Variants in SERPINA12 observed in about 807,000 individuals in gnomAD.
SERPINA12 encodes the protein serpin A12.
A neutral mutation model predicts 25.9 loss-of-function variants in SERPINA12; 21 were observed. That is an observed-to-expected ratio of 0.81 (90% CI 0.58 to 1.17). The LOEUF is 1.17. SERPINA12 is among the 50% of genes most tolerant of loss of function. SERPINA12 has a pLI of 0.00. For missense variants in SERPINA12, 562 were observed against 508.3 expected, an observed-to-expected ratio of 1.11 and a Z score of -1.02; for synonymous variants, 220 against 196.0, an observed-to-expected ratio of 1.12 and a Z score of -1.02.
Position 94,489,748 on chromosome 14 carries a change from G to A in SERPINA12, c.925C>T (p.Pro309Ser), listed in dbSNP as rs899886050. Residue 309 changes from proline to serine, a missense_variant, in exon 4 of 5, where the codon CCC becomes TCC. Pro to Ser is a moderately conservative substitution (Grantham distance 74, BLOSUM62 -1). Transcript: ENST00000677451. Reference sequence around the variant, plus strand: ...AAGGTGCCCGTCATGTGGAGTCTGGGTACAGACACGTCTACGACCCTGGGG... The same window carrying A: ...AAGGTGCCCGTCATGTGGAGTCTGGATACAGACACGTCTACGACCCTGGGG... ...LSRRVVDVSV[P>S]RLHMTGTFDL... 5 of 1,614,110 alleles carry A rather than the reference G, an allele frequency of 3.1e-6. No homozygotes were observed. Among genetic ancestry groups the A allele is most frequent in the Middle Eastern group, 1.7e-4 (1 of 6,058 alleles).
At chr14:94,506,191 G>T (rs1422383181) in intron 1 of SERPINA12, among the ~76,000 whole-genome samples, 1 of 152,212 alleles carries the variant, frequency 6.6e-6, no homozygotes. Context: ...GTCGGAGGCT[G>T]AGGGGTGGCC....
upstream of SERPINA12, chr14:94,510,052 G>A (rs114816651): frequency 0.021 from 20,751 of 985,362 alleles, 246 homozygotes; most frequent in African/African-American, 0.048. Context: ...CGAGCTCTGG[G>A]ACGTCTCAGG....
chr14:94,509,798 C>T (rs1901060781), upstream of SERPINA12, among the ~76,000 whole-genome samples: 2 of 152,200 alleles, frequency 1.3e-5, no homozygotes, highest in African/African-American at 4.8e-5. Context: ...AAAGTGAGTG[C>T]ACCAGAAACC....
upstream of SERPINA12, chr14:94,510,165 A>T: frequency 1.0e-6 from 1 of 985,438 alleles, no homozygotes; most frequent in Non-Finnish European, 1.2e-6. Flanking sequence ...TCACCTGTAC[A>T]ATGGGCAATA....
Position 94,489,508 on chromosome 14 carries a change from C to T in SERPINA12, c.1053+112G>A, listed in dbSNP as rs565558233. ...GGCACAGCTGCATTCATGCCCGCCC[C>T]GACTGGTGGGTGGAGTCTCGGCTCT... On this transcript the variant is annotated intron_variant, in intron 4 of 4. Coordinates refer to ENST00000677451, the MANE Select transcript of SERPINA12 (RefSeq NM_001382267.1). 313 of 1,280,958 alleles carry T rather than the reference C, an allele frequency of 2.4e-4. 2 individuals are homozygous for T. Among genetic ancestry groups the T allele is most frequent in the Non-Finnish European group, 3.0e-4 (281 of 933,384 alleles). The allele number at this position is 1,280,958 out of a possible 1,614,324, so 79.3% of individuals were successfully genotyped here.
Position 94,498,292 on chromosome 14 carries a change from C to A in SERPINA12, c.106G>T (p.Val36Phe), listed in dbSNP as rs780019005. ...SPRNYKALSE[V>F]QGWKQRMAAK... ...GCCATCCTTTGCTTCCATCCTTGGA[C>A]CTCGCTCAAAGCTTTATAATTCCTT... Residue 36 changes from valine to phenylalanine, a missense_variant, in exon 2 of 5, where the codon GTC (valine) becomes TTC (phenylalanine). Coordinates refer to ENST00000677451, the MANE Select transcript of SERPINA12 (RefSeq NM_001382267.1). 1.1e-4 allele frequency: 180 copies of A among 1,614,212 alleles called. 1 individual carries two copies. The East Asian group carries it at 3.9e-3, about 35-fold the overall frequency.
chr14:94,500,929 G>C, intron 1 of SERPINA12: 1 of 982,360 alleles, frequency 1.0e-6, no homozygotes. Flanking sequence ...TCTGTGCTCT[G>C]CTCTCATGCC....
At chr14:94,517,701 T>C (rs925439299) in exon 1 of SERPINA12, 1 of 152,262 alleles carries the variant, frequency 6.6e-6, no homozygotes, top group African/African-American at 2.4e-5. Flanking sequence ...TGGGTTCTGT[T>C]CTGGAGTAGA....
intron 3 of SERPINA12, among the ~76,000 whole-genome samples, chr14:94,495,966 G>C (rs994231945): frequency 6.6e-6 from 1 of 152,062 alleles, no homozygotes; most frequent in Non-Finnish European, 1.5e-5. Flanking sequence ...CATGGGTTTT[G>C]TTGTGACACC....
chr14:94,511,848 A>G (rs901993695), upstream of SERPINA12: 3 of 467,310 alleles, frequency 6.4e-6, no homozygotes, highest in African/African-American at 6.4e-5. Context: ...CTGTACTCCT[A>G]GCACTTTGGG....
upstream of SERPINA12, chr14:94,511,420 GA>G (rs568491529): frequency 3.4e-5 from 33 of 985,034 alleles, no homozygotes; most frequent in Middle Eastern, 5.2e-4. Flanking sequence ...TATAAAAGCA[GA>G]AAAAAAATAT....
chr14:94,499,763 A>C (rs766731123), intron 1 of SERPINA12, among the ~76,000 whole-genome samples: 1 of 152,148 alleles, frequency 6.6e-6, no homozygotes, highest in African/African-American at 2.4e-5. Flanking sequence ...GGGATGGAAA[A>C]GGGAAGGAGC....
chr14:94,511,311 C>T (rs1272800922), upstream of SERPINA12: 1 of 656,844 alleles, frequency 1.5e-6, no homozygotes, highest in Admixed American at 6.3e-5. Flanking sequence ...ACCATTGTCA[C>T]ACTATACAGA....
chr14:94,514,559 C>T (rs61978267), intron 2 of SERPINA12, among the ~76,000 whole-genome samples: 16,828 of 152,212 alleles, frequency 0.11, 1,153 homozygotes, highest in Middle Eastern at 0.21. Context: ...GTGGGCCCTT[C>T]GAGGTGGCTC....
At chr14:94,498,867 C>T (rs1334315665) in intron 1 of SERPINA12, among the ~76,000 whole-genome samples, 1 of 152,166 alleles carries the variant, frequency 6.6e-6, no homozygotes, top group African/African-American at 2.4e-5. Context: ...GAATGCAAAA[C>T]CCCCTAAGCT....
upstream of SERPINA12, among the ~76,000 whole-genome samples, chr14:94,511,136 G>T (rs191587262): frequency 2.6e-5 from 4 of 152,012 alleles, no homozygotes; most frequent in East Asian, 7.7e-4. Context: ...AAGGAAAATC[G>T]CAAACTGCAA....
At chr14:94,492,505 C>T (rs922401235) in intron 3 of SERPINA12, among the ~76,000 whole-genome samples, 1 of 152,126 alleles carries the variant, frequency 6.6e-6, no homozygotes, top group Non-Finnish European at 1.5e-5. Flanking sequence ...TTTTCCCTGG[C>T]CCCCTGCGAG....
rs560552356 is a variant in SERPINA12 at position 94,506,138 on chromosome 14, C to T, written c.-34+3204G>A. 3.3e-5 allele frequency among the ~76,000 whole-genome samples: 5 copies of T among 152,280 alleles called. No homozygotes were observed. The South Asian group carries it at 1.0e-3, about 32-fold the overall frequency. ...TAGAAGGATGAAGGAGATTGTCCAG[C>T]CTGGGAAGATTATTGTTATAAGTTA... On this transcript the variant is annotated intron_variant, in intron 1 of 4. Coordinates refer to ENST00000677451, the MANE Select transcript of SERPINA12 (RefSeq NM_001382267.1).
In SERPINA12 at chr14:94,498,029, C is replaced by T. The variant is rs781233886; in HGVS notation, c.369G>A (p.Leu123=). ...GTTTGAGGTCCTGGGTCTTCTGGGT[C>T]AGCTCGTGGATGATGTAATGGAAGC... ...HEGFHYIIHE[L]TQKTQDLKLS... The change falls in exon 2 of 5, where the codon CTG becomes CTA. Residue 123 remains leucine, a synonymous_variant. Coordinates refer to ENST00000677451, the MANE Select transcript of SERPINA12 (RefSeq NM_001382267.1). 1.1e-5 allele frequency: 17 copies of T among 1,614,008 alleles called. No homozygotes were observed. In the South Asian group the frequency reaches 1.9e-4, roughly 18 times the overall value.
Sources: gnomAD v4.1 joint callset for allele counts (sites outside exome capture counted in the v4.1 genomes callset) on GRCh38, gnomAD v4.1.1 for gene constraint, MANE v1.5 for transcripts, NCBI Gene and HGNC (gene_info 2026-07-23, HGNC 2026-07-21) for gene names.